KCNQ5: variants seen among roughly 807,000 people sequenced by gnomAD.
KCNQ5 encodes the protein potassium voltage-gated channel subfamily KQT member 5.
A neutral mutation model predicts 98.2 loss-of-function variants in KCNQ5; 30 were observed. That is an observed-to-expected ratio of 0.31 (90% CI 0.23 to 0.41). The LOEUF (loss-of-function observed/expected upper bound fraction) is 0.41. KCNQ5 is among the 10% of genes least tolerant of loss of function. KCNQ5 has a pLI of 1.00. For synonymous variants in KCNQ5, 458 were observed against 449.4 expected (o/e 1.02, Z -0.24); for missense variants, 835 against 1,182.5 (o/e 0.71, Z 4.31).
intron 1 of KCNQ5, among the ~76,000 whole-genome samples, chr6:72,970,094 A>G (rs1262475635): frequency 6.6e-6 from 1 of 152,066 alleles, no homozygotes; most frequent in African/African-American, 2.4e-5. Context: ...CCCTATCTCT[A>G]AAAAAATAAA....
chr6:72,977,502 A>G (rs1264343173), intron 1 of KCNQ5, among the ~76,000 whole-genome samples: 2 of 152,204 alleles, frequency 1.3e-5, no homozygotes, highest in African/African-American at 2.4e-5. Context: ...GAAAGGAACC[A>G]TAAGTTTTAA....
At position 72,900,740 on chromosome 6, in the gene KCNQ5, T is replaced by C. The variant is rs564385756; in HGVS notation, c.399-103168T>C. On this transcript the variant is annotated intron_variant, in intron 1 of 13. Transcript: ENST00000370398. ...TAAGGAATATCCACACTGCTTTCCA[T>C]AGTGTTGTACTAGTTTATATTCTCA... Among the ~76,000 whole-genome samples the C allele has an allele frequency of 3.9e-5, 6 of 152,136 alleles. No homozygotes were observed. The South Asian group carries it at 1.2e-3, about 32-fold the overall frequency.
chr6:73,168,537 T>C (rs1180822980), intron 10 of KCNQ5, among the ~76,000 whole-genome samples: 1 of 152,144 alleles, frequency 6.6e-6, no homozygotes, highest in Non-Finnish European at 1.5e-5. Context: ...ACCCCGTCTC[T>C]ACTAAAAATA....
Position 72,995,325 on chromosome 6 carries a change from G to A in KCNQ5, c.399-8583G>A, listed in dbSNP as rs1013488769. Among the ~76,000 whole-genome samples the A allele has an allele frequency of 4.9e-5, 7 of 143,974 alleles. No homozygotes were observed. The South Asian group carries it at 8.5e-4, about 18-fold the overall frequency. The allele number at this position is 143,974 out of a possible 152,430, so 94.5% of individuals were successfully genotyped here. On this transcript the variant is annotated intron_variant, in intron 1 of 13. Transcript: ENST00000370398. Reference sequence around the variant, plus strand: ...GGACTTTGCAGTGAGCTGAGATTGCGCCATTGCACTCCAGCCTAGGCAACA... The same window carrying A: ...GGACTTTGCAGTGAGCTGAGATTGCACCATTGCACTCCAGCCTAGGCAACA...
intron 5 of KCNQ5, 72 bp downstream of exon 5, chr6:73,077,959 C>A: frequency 8.3e-7 from 1 of 1,197,922 alleles, no homozygotes; most frequent in Non-Finnish European, 1.2e-6. Flanking sequence ...CGTAATGGTT[C>A]CTATGGATGG....
At chr6:73,182,189 G>C (rs1457749361) in intron 11 of KCNQ5, among the ~76,000 whole-genome samples, 1 of 151,996 alleles carries the variant, frequency 6.6e-6, no homozygotes, top group Non-Finnish European at 1.5e-5. Flanking sequence ...CTAACCCAAG[G>C]GGCTTGTTTT....
At chr6:72,794,300 G>T (rs1774210866) in intron 1 of KCNQ5, among the ~76,000 whole-genome samples, 1 of 150,006 alleles carries the variant, frequency 6.7e-6, no homozygotes, top group African/African-American at 2.5e-5. Flanking sequence ...CAGGCATTTA[G>T]AAAGTACGAA....
At chr6:72,980,773 C>G (rs1223298825) in intron 1 of KCNQ5, among the ~76,000 whole-genome samples, 6 of 152,136 alleles carry the variant, frequency 3.9e-5, no homozygotes, top group Non-Finnish European at 1.5e-5. Context: ...GAAATGCTTC[C>G]AGTTTTTGCC....
At chr6:73,173,767 T>G (rs1778101688) in intron 11 of KCNQ5, among the ~76,000 whole-genome samples, 1 of 149,638 alleles carries the variant, frequency 6.7e-6, no homozygotes, top group South Asian at 2.1e-4. Flanking sequence ...CTGGGCAACA[T>G]GGTGAAACCC....
At chr6:72,637,510 G>A (rs890748346) in intron 1 of KCNQ5, among the ~76,000 whole-genome samples, 2 of 152,054 alleles carry the variant, frequency 1.3e-5, no homozygotes, top group African/African-American at 4.8e-5. Flanking sequence ...CTTCAACTAA[G>A]AGTGGTACTT....
chr6:72,980,802 T>C (rs550680405), intron 1 of KCNQ5, among the ~76,000 whole-genome samples: 145 of 152,236 alleles, frequency 9.5e-4, no homozygotes, highest in Non-Finnish European at 1.7e-3. Flanking sequence ...ATGATATTGG[T>C]TGTGGGTTTG....
intron 1 of KCNQ5, among the ~76,000 whole-genome samples, chr6:72,753,066 A>G (rs1244533302): frequency 6.6e-6 from 1 of 152,146 alleles, no homozygotes; most frequent in Non-Finnish European, 1.5e-5. Context: ...ACCATGATGA[A>G]GCTATAGAAT....
chr6:72,678,425 A>G (rs1767527039), intron 1 of KCNQ5: 1 of 152,178 alleles, frequency 6.6e-6, no homozygotes. Flanking sequence ...CAGGATTCAA[A>G]TCAGATAGAC....
At chr6:73,177,535 A>C (rs1042965610) in intron 11 of KCNQ5, among the ~76,000 whole-genome samples, 6 of 152,204 alleles carry the variant, frequency 3.9e-5, no homozygotes, top group Admixed American at 3.3e-4. Context: ...CTAAAATGCA[A>C]TCTCAGCTGT....
rs1219557425 is a variant in KCNQ5, at chr6:72,671,352, AG to A, written c.398+48766del. ...GCTTATAGGGCTGTGTGGAAGGCGT[AG>A]ATGTGTTTATTGTCAGAATAGCCAG... On this transcript the variant is annotated intron_variant, in intron 1 of 13. Coordinates refer to ENST00000370398, the MANE Select transcript of KCNQ5 (RefSeq NM_019842.4). Among the ~76,000 whole-genome samples, 8 of 152,316 alleles carry A rather than the reference AG, an allele frequency of 5.3e-5. No individual in the cohort carries two copies. The South Asian group carries it at 1.7e-3, about 32-fold the overall frequency.
At position 72,914,236 on chromosome 6, in the gene KCNQ5, G is replaced by C. The variant is rs187827882; in HGVS notation, c.399-89672G>C. 2.7e-3 allele frequency among the ~76,000 whole-genome samples: 414 copies of C among 152,184 alleles called. 2 individuals are homozygous for C. The highest frequency in any genetic ancestry group is 9.7e-3 in the African/African-American group (402 of 41,506). Reference sequence around the variant, plus strand: ...AACAACTTTGAATAAAGAAACCATGGCATATGCAGATAGCATCTGGAGCGC... The same window carrying C: ...AACAACTTTGAATAAAGAAACCATGCCATATGCAGATAGCATCTGGAGCGC... On this transcript the variant is annotated intron_variant, in intron 1 of 13. Coordinates refer to ENST00000370398, the MANE Select transcript of KCNQ5 (RefSeq NM_019842.4).
At chr6:72,769,284 T>G (rs1772737603) in intron 1 of KCNQ5, among the ~76,000 whole-genome samples, 1 of 152,128 alleles carries the variant, frequency 6.6e-6, no homozygotes, top group African/African-American at 2.4e-5. Flanking sequence ...TTTAATGCTG[T>G]ATGCTTAATA....
chr6:72,774,022 T>C (rs1379741721), intron 1 of KCNQ5, among the ~76,000 whole-genome samples: 3 of 151,894 alleles, frequency 2.0e-5, no homozygotes, highest in African/African-American at 7.3e-5. Context: ...AATAATTTTT[T>C]CCCCCAGCAA....
chr6:72,813,492 T>C (rs572886846), intron 1 of KCNQ5, among the ~76,000 whole-genome samples: 3 of 152,282 alleles, frequency 2.0e-5, no homozygotes, highest in Admixed American at 2.0e-4. Context: ...CTGTTTTTAA[T>C]CCAAATGGGC....
Sources: allele counts gnomAD v4.1 joint callset (sites outside exome capture counted in the v4.1 genomes callset), GRCh38; gene constraint gnomAD v4.1.1; transcripts MANE v1.5; gene names NCBI Gene and HGNC (gene_info 2026-07-23, HGNC 2026-07-21).